ABHD12: variants seen among roughly 807,000 people sequenced by gnomAD.
ABHD12 encodes abhydrolase domain containing 12, lysophospholipase, also known as lysophosphatidylserine lipase ABHD12.
In ABHD12, 43 loss-of-function variants were observed where a neutral mutation model predicts 58.3. The observed-to-expected ratio is 0.74, with a 90% CI of 0.58 to 0.95. The LOEUF (loss-of-function observed/expected upper bound fraction) is 0.95, where lower values mean the gene tolerates loss of function less well. Ranked by LOEUF, ABHD12 falls within the 40% of genes least tolerant of loss-of-function variation. The probability of loss-of-function intolerance (pLI) is 0.00; values close to 1 mark genes in which losing one functional copy is unlikely to be tolerated. For missense variants in ABHD12, 539 were observed against 537.2 expected (o/e 1.00, Z -0.03); for synonymous variants, 219 against 211.2 (o/e 1.04, Z -0.32).
Position 25,388,038 on chromosome 20 carries a change from C to CAAA in ABHD12, c.191+2472_191+2474dup, listed in dbSNP as rs748581834. ...TGGGCGACAAAGCGAGACTCCTTCT[C>CAAA]AAAAAAAAAAAAAAAAAAAAATCCA... On this transcript the variant is annotated intron_variant, in intron 1 of 12. Coordinates refer to ENST00000339157, the MANE Select transcript of ABHD12 (RefSeq NM_001042472.3). Among the ~76,000 whole-genome samples the CAAA allele has an allele frequency of 1.4e-3, 83 of 58,036 alleles. 1 individual carries two copies. The highest frequency in any genetic ancestry group is 4.3e-3 in the African/African-American group (74 of 17,088). The allele number at this position is 58,036 out of a possible 152,430, so 38.1% of individuals were successfully genotyped here.
intron 1 of ABHD12, among the ~76,000 whole-genome samples, chr20:25,370,716 C>A (rs530416569): frequency 6.6e-6 from 1 of 152,192 alleles, no homozygotes. Context: ...GTGAAGAGGG[C>A]GACCCACCAA....
chr20:25,322,877 C>G (rs1376481142), intron 3 of ABHD12, among the ~76,000 whole-genome samples: 1 of 151,792 alleles, frequency 6.6e-6, no homozygotes, highest in African/African-American at 2.4e-5. Flanking sequence ...TGTGCACCAC[C>G]ATGCCTGGCT....
chr20:25,300,196 G>A (rs527626109), downstream of ABHD12: 16 of 994,766 alleles, frequency 1.6e-5, no homozygotes, highest in East Asian at 5.4e-4. Flanking sequence ...CCCTTCTCGC[G>A]CTGCAGAGAG....
At chr20:25,368,857 T>C (rs2089860997) in intron 1 of ABHD12, 1 of 462,924 alleles carries the variant, frequency 2.2e-6, no homozygotes, top group South Asian at 1.9e-5. Context: ...ACAGGCGCAG[T>C]GGCTCATGCC....
chr20:25,311,889 G>A (rs2088855860), intron 6 of ABHD12, among the ~76,000 whole-genome samples: 2 of 152,004 alleles, frequency 1.3e-5, no homozygotes, highest in African/African-American at 2.4e-5. Context: ...TGTATTTTTA[G>A]TAGAGGCGGG....
At chr20:25,372,105 G>A (rs1390329200) in intron 1 of ABHD12, among the ~76,000 whole-genome samples, 1 of 152,024 alleles carries the variant, frequency 6.6e-6, no homozygotes, top group African/African-American at 2.4e-5. Flanking sequence ...GGGTTCAAGC[G>A]ATCCCACCAT....
downstream of ABHD12, among the ~76,000 whole-genome samples, chr20:25,295,308 T>A (rs1248052455): frequency 6.6e-6 from 1 of 152,272 alleles, no homozygotes; most frequent in Non-Finnish European, 1.5e-5. Context: ...TGTGCAGCTC[T>A]AACTGCCCTG....
intron 3 of ABHD12, among the ~76,000 whole-genome samples, chr20:25,321,127 C>T (rs1402735054): frequency 2.0e-5 from 3 of 152,218 alleles, no homozygotes; most frequent in African/African-American, 4.8e-5. Flanking sequence ...CTCTCTGATC[C>T]GTTCAAAAGG....
chr20:25,365,107 C>T (rs1012639981), intron 1 of ABHD12, among the ~76,000 whole-genome samples: 1 of 152,238 alleles, frequency 6.6e-6, no homozygotes, highest in Non-Finnish European at 1.5e-5. Context: ...GTTATCCTAA[C>T]TAATTCTTAA....
chr20:25,321,120 T>A (rs2145972919), intron 3 of ABHD12, among the ~76,000 whole-genome samples: 2 of 152,378 alleles, frequency 1.3e-5, no homozygotes, highest in South Asian at 4.1e-4. Flanking sequence ...AACGTCTCTC[T>A]CTGATCCGTT....
At chr20:25,337,290 A>G (rs890026356) in intron 2 of ABHD12, among the ~76,000 whole-genome samples, 6 of 152,140 alleles carry the variant, frequency 3.9e-5, no homozygotes. Flanking sequence ...CAACAAAACA[A>G]AATGCCACTG....
At chr20:25,320,090 G>A in intron 4 of ABHD12, 109 bp downstream of exon 4, 2 of 1,512,784 alleles carry the variant, frequency 1.3e-6, no homozygotes, top group Non-Finnish European at 1.8e-6. Context: ...ACCCAATTTT[G>A]TGGGACCGCA....
chr20:25,359,471 T>C (rs62213692), intron 1 of ABHD12, among the ~76,000 whole-genome samples: 9,955 of 151,146 alleles, frequency 0.066, 441 homozygotes, highest in Admixed American at 0.1. Context: ...GTTTCTTCTA[T>C]ACATTTTTAA....
At chr20:25,381,878 G>A (rs1191965940) in intron 1 of ABHD12, among the ~76,000 whole-genome samples, 1 of 152,076 alleles carries the variant, frequency 6.6e-6, no homozygotes, top group Non-Finnish European at 1.5e-5. Context: ...GGCTGGTCCT[G>A]AACTCCTGAA....
At position 25,382,323 on chromosome 20, in the gene ABHD12, C is replaced by G. The variant is rs186019116; in HGVS notation, c.191+8190G>C. On this transcript the variant is annotated intron_variant, in intron 1 of 12. Coordinates refer to ENST00000339157, the MANE Select transcript of ABHD12 (RefSeq NM_001042472.3). ...TGTTCACTGACTGACACTCTAGACG[C>G]TGGCTCTCGGTGTGGCACGAGATAG... Among the ~76,000 whole-genome samples, 394 of 152,174 alleles carry G rather than the reference C, an allele frequency of 2.6e-3. 3 individuals carry two copies. The highest frequency in any genetic ancestry group is 9.1e-3 in the African/African-American group (377 of 41,524).
intron 1 of ABHD12, among the ~76,000 whole-genome samples, chr20:25,346,539 G>T (rs1239607482): frequency 6.6e-6 from 1 of 152,188 alleles, no homozygotes; most frequent in Admixed American, 6.5e-5. Flanking sequence ...GCAGGATGTG[G>T]ATAGTGTGGC....
intron 1 of ABHD12, among the ~76,000 whole-genome samples, chr20:25,349,009 G>C (rs1197674094): frequency 6.6e-6 from 1 of 151,754 alleles, no homozygotes; most frequent in African/African-American, 2.4e-5. Context: ...GTGTGATCCT[G>C]GGAGGCGGAG....
At position 25,350,625 on chromosome 20, in the gene ABHD12, A is replaced by G. The variant is rs1463861388; in HGVS notation, c.192-11274T>C. Among the ~76,000 whole-genome samples the G allele has an allele frequency of 3.3e-5, 5 of 152,180 alleles. No homozygotes were observed. In the South Asian group the frequency reaches 6.2e-4, roughly 19 times the overall value. On this transcript the variant is annotated intron_variant, in intron 1 of 12. Transcript: ENST00000339157. ...TTTCCTTTATAAATTACCCAGTCTC[A>G]GGTATGTGTTTATTAGCAGCGTGAG...
chr20:25,361,297 A>G (rs752588903), intron 1 of ABHD12, among the ~76,000 whole-genome samples: 5 of 152,252 alleles, frequency 3.3e-5, no homozygotes, highest in Non-Finnish European at 7.3e-5. Flanking sequence ...TATCTTTTCA[A>G]TATTGTATGT....
Sources: allele counts gnomAD v4.1 joint callset (sites outside exome capture counted in the v4.1 genomes callset), GRCh38; gene constraint gnomAD v4.1.1; transcripts MANE v1.5; gene names NCBI Gene and HGNC (gene_info 2026-07-23, HGNC 2026-07-21).